MAOA: variants seen among roughly 807,000 people sequenced by gnomAD.
The protein encoded by MAOA is amine oxidase [flavin-containing] A.
A neutral mutation model predicts 42.0 loss-of-function variants in MAOA; 6 were observed. The observed-to-expected ratio is 0.14, with a 90% CI of 0.08 to 0.28. The LOEUF (loss-of-function observed/expected upper bound fraction) is 0.28, where lower values mean the gene tolerates loss of function less well. Among genes scored for constraint, MAOA ranks in the 10% least tolerant of loss-of-function variants. The probability of loss-of-function intolerance (pLI) is 1.00; values close to 1 mark genes in which losing one functional copy is unlikely to be tolerated. For missense variants in MAOA, 262 were observed against 422.3 expected (o/e 0.62, Z 3.33); for synonymous variants, 140 against 154.0 (o/e 0.91, Z 0.67).
intron 3 of MAOA, among the ~76,000 whole-genome samples, chrX:43,707,660 C>G (rs1215394654): frequency 8.9e-6 from 1 of 111,941 alleles, no homozygotes; most frequent in African/African-American, 3.2e-5. Flanking sequence ...AAATTTAAAG[C>G]ATTGTTATAA....
intron 3 of MAOA, among the ~76,000 whole-genome samples, chrX:43,708,253 C>G (rs2033672375): frequency 9.0e-6 from 1 of 111,525 alleles, no homozygotes; most frequent in Admixed American, 9.5e-5. Context: ...CTAGATTTTT[C>G]TCCTTTAATT....
chrX:43,731,923 A>G (rs1307859082), intron 8 of MAOA, 70 bp downstream of exon 8: 1 of 989,714 alleles, frequency 1.0e-6, no homozygotes, highest in African/African-American at 1.9e-5. Context: ...ATTATTGAAC[A>G]GAAGGTATTG....
chrX:43,719,120 G>C (rs761396922), intron 5 of MAOA, among the ~76,000 whole-genome samples: 1 of 111,189 alleles, frequency 9.0e-6, no homozygotes, highest in South Asian at 3.8e-4. Context: ...GACAAGGCAA[G>C]GTGGAAGTGT....
At chrX:43,683,708 C>A in intron 2 of MAOA, 101 bp downstream of exon 2, 1 of 680,819 alleles carries the variant, frequency 1.5e-6, no homozygotes, top group Non-Finnish European at 2.3e-6. Flanking sequence ...AGAGTTCATG[C>A]AGTTAAGCCG....
In MAOA at chrX:43,746,457, G is replaced by C. The variant is rs985351756; in HGVS notation, c.*1944G>C. ...TACCATAAGCTTTTTCTCTGAACCA[G>C]AGAAATGAAAGTCAGTTTAAGAGGC... On this transcript the variant is annotated 3_prime_UTR_variant, in exon 15 of 15. Coordinates refer to ENST00000338702, the MANE Select transcript of MAOA (RefSeq NM_000240.4). 2.7e-5 allele frequency: 3 copies of C among 111,870 alleles called. No individual in the cohort carries two copies. Among genetic ancestry groups the C allele is most frequent in the Admixed American group, 1.9e-4 (2 of 10,556 alleles). The allele number at this position is 111,870 out of a possible 1,213,427, so 9.2% of individuals were successfully genotyped here. A position where few individuals can be genotyped will look rare whatever the true frequency, so the allele number is the denominator to read the frequency against.
chrX:43,662,674 G>A (rs1253023801), intron 1 of MAOA, among the ~76,000 whole-genome samples: 2 of 111,433 alleles, frequency 1.8e-5, no homozygotes, highest in Non-Finnish European at 3.8e-5. Context: ...AGTGTACTCA[G>A]AAAGACTAAG....
chrX:43,713,737 CAG>C (rs1314270944), intron 5 of MAOA, among the ~76,000 whole-genome samples: 1 of 111,590 alleles, frequency 9.0e-6, no homozygotes, highest in Non-Finnish European at 1.9e-5. Flanking sequence ...GTTCCTGTAA[CAG>C]GGAGAACCTT....
At chrX:43,671,842 G>C in intron 1 of MAOA, among the ~76,000 whole-genome samples, 1 of 101,955 alleles carries the variant, frequency 9.8e-6, no homozygotes, top group South Asian at 4.8e-4. Context: ...TTTGGTTACT[G>C]TAGCCTTGTA....
rs375984321 is a variant in MAOA at position 43,683,616 on chromosome X, TTTTAA to T, written c.168+11_168+15del. ...GAACATATACTATAAGGGTAAGTGATTTTAATACTTACATGTAATGTAATATCTCA... is the reference window on the plus strand; with the variant it reads ...GAACATATACTATAAGGGTAAGTGATTACTTACATGTAATGTAATATCTCA... On this transcript the variant is annotated intron_variant, in intron 2 of 14. Transcript: ENST00000338702. The T allele has an allele frequency of 1.3e-3, 1,460 of 1,143,816 alleles. 12 individuals carry two copies. The African/African-American group carries it at 0.02, about 15-fold the overall frequency. The allele number at this position is 1,143,816 out of a possible 1,213,427, so 94.3% of individuals were successfully genotyped here.
chrX:43,665,595 G>T (rs776150906), intron 1 of MAOA, among the ~76,000 whole-genome samples: 39 of 111,764 alleles, frequency 3.5e-4, no homozygotes, highest in Admixed American at 5.7e-4. Context: ...GAAGATGAAT[G>T]CGGAACAATA....
Position 43,656,370 on chromosome X carries a change from C to T in MAOA, c.29C>T (p.Ala10Val). The T allele has an allele frequency of 8.3e-7, 1 of 1,211,726 alleles. No individual in the cohort carries two copies. The highest frequency in any genetic ancestry group is 1.1e-6 in the Non-Finnish European group (1 of 895,340). The change falls in exon 1 of 15, where the codon GCG (alanine) becomes GTG (valine). Residue 10 changes from alanine (A) to valine (V), a missense_variant. By Grantham distance (64) the Ala-to-Val change is moderately conservative. This residue lies in a region of MAOA where 141 missense variants were observed against 195.6 expected (regional missense o/e 0.72). Coordinates refer to ENST00000338702, the MANE Select transcript of MAOA (RefSeq NM_000240.4). Reference protein sequence around the residue: MENQEKASIAGHMFDVVVIG... With the variant: MENQEKASIVGHMFDVVVIG... ...GAGAATCAAGAGAAGGCGAGTATCGCGGGCCACATGTTCGACGTAGTCGTG... is the reference window on the plus strand; with the variant it reads ...GAGAATCAAGAGAAGGCGAGTATCGTGGGCCACATGTTCGACGTAGTCGTG...
upstream of MAOA, chrX:43,656,292 T>G: frequency 8.9e-7 from 1 of 1,128,769 alleles, no homozygotes; most frequent in Non-Finnish European, 1.2e-6. Flanking sequence ...TTCCCACCCT[T>G]TGCCGTCCCC....
At position 43,691,142 on chromosome X, in the gene MAOA, G is replaced by A; in HGVS notation, c.169-2149G>A. Among the ~76,000 whole-genome samples, 2 of 111,145 alleles carry A rather than the reference G, an allele frequency of 1.8e-5. 1 individual carries two copies. Among genetic ancestry groups the A allele is most frequent in the Middle Eastern group, 8.5e-3 (2 of 236 alleles). ...TCACGCCTGTAATCCCAACACTTTG[G>A]GAGGCTAAGGCAGGTGTATCGCTTG... On this transcript the variant is annotated intron_variant, in intron 2 of 14. Coordinates refer to ENST00000338702, the MANE Select transcript of MAOA (RefSeq NM_000240.4).
chrX:43,656,461 G>A (rs762610146), intron 1 of MAOA, 47 bp downstream of exon 1: 1 of 1,093,084 alleles, frequency 9.1e-7, no homozygotes, highest in Non-Finnish European at 1.3e-6. Context: ...GGCCAGTGAG[G>A]GGTAGGGGAA....
At chrX:43,742,592 G>A (rs1426931209) in intron 12 of MAOA, among the ~76,000 whole-genome samples, 1 of 112,340 alleles carries the variant, frequency 8.9e-6, no homozygotes, top group South Asian at 3.7e-4. Context: ...TAGGCATAGT[G>A]TCCGGTACCT....
At chrX:43,667,187 T>G (rs914936150) in intron 1 of MAOA, among the ~76,000 whole-genome samples, 1 of 111,504 alleles carries the variant, frequency 9.0e-6, no homozygotes, top group Non-Finnish European at 1.9e-5. Flanking sequence ...ATGCATTCAC[T>G]GATGATCCTG....
chrX:43,677,058 T>C (rs1184095606), intron 1 of MAOA, among the ~76,000 whole-genome samples: 2 of 111,567 alleles, frequency 1.8e-5, no homozygotes, highest in African/African-American at 3.3e-5. Context: ...TACTTTTCTG[T>C]GATAGAATAA....
At chrX:43,691,380 A>T (rs28593700) in intron 2 of MAOA, among the ~76,000 whole-genome samples, 3,118 of 111,054 alleles carry the variant, frequency 0.028, 46 homozygotes, top group Middle Eastern at 0.088. Context: ...TCTCAAAAAA[A>T]AAAAATAAAA....
At chrX:43,682,946 T>C (rs1056592722) in intron 1 of MAOA, among the ~76,000 whole-genome samples, 5 of 112,261 alleles carry the variant, frequency 4.5e-5, no homozygotes, top group African/African-American at 1.6e-4. Flanking sequence ...TCAGCTTTGT[T>C]TGAGCTAGTG....
Sources: allele counts gnomAD v4.1 joint callset (sites outside exome capture counted in the v4.1 genomes callset), GRCh38; gene constraint gnomAD v4.1.1; regional missense constraint gnomAD v4.1.1; transcripts MANE v1.5; gene names NCBI Gene and HGNC (gene_info 2026-07-23, HGNC 2026-07-21).